The following ELN variants were observed in gnomAD, a reference collection of about 807,000 sequenced individuals.
The protein encoded by ELN is elastin, also known as tropoelastin.
Under a neutral mutation model 105.8 loss-of-function variants are expected in ELN, and 65 were observed. The ratio of observed to expected loss-of-function variants is 0.61; its 90% CI spans 0.50 to 0.75. The LOEUF (loss-of-function observed/expected upper bound fraction) is 0.75, where lower values mean the gene tolerates loss of function less well. ELN is among the 30% of genes least tolerant of loss of function. The pLI is 0.00. For missense variants in ELN, 882 were observed against 969.4 expected (o/e 0.91, Z 1.20); for synonymous variants, 368 against 389.2 (o/e 0.95, Z 0.64).
At position 74,066,635 on chromosome 7, in the gene ELN, G is replaced by C. The variant is rs183097753; in HGVS notation, c.2087-97G>C. On this transcript the variant is annotated intron_variant, in intron 31 of 32. Transcript: ENST00000252034. Reference sequence around the variant, plus strand: ...GGGGGATGGAGAGGAGGTGATCCCAGACAGAGGTCTTGGGTGAGCCAGTGC... The same window carrying C: ...GGGGGATGGAGAGGAGGTGATCCCACACAGAGGTCTTGGGTGAGCCAGTGC... The C allele has an allele frequency of 2.1e-3, 2,407 of 1,155,192 alleles. 28 individuals are homozygous for C. The highest frequency in any genetic ancestry group is 4.6e-4 in the Non-Finnish European group (351 of 764,388). The allele number at this position is 1,155,192 out of a possible 1,614,324, so 71.6% of individuals were successfully genotyped here.
intron 4 of ELN, among the ~76,000 whole-genome samples, chr7:74,038,815 T>G (rs1554667001): frequency 6.6e-6 from 1 of 152,228 alleles, no homozygotes; most frequent in Non-Finnish European, 1.5e-5. Context: ...CAGATTCCCC[T>G]GCGCTAAAAG....
chr7:74,057,641 A>G lies in ELN; in HGVS notation c.1359A>G (p.Gly453=), dbSNP rs1795585741. The G allele has an allele frequency of 6.2e-7, 1 of 1,614,002 alleles. No homozygotes were observed. The highest frequency in any genetic ancestry group is 1.7e-5 in the Admixed American group (1 of 60,024). ...AAAAAKAAKY[G]VGTPAAAAAK... is the part of the protein sequence containing the mutation. ...CACCCCTTCTCTTCACACCTCCAGG[A>G]GTGGGGACCCCAGCAGCTGCAGCTG... The change falls in exon 22 of 33, where the codon GGA becomes GGG. Residue 453 remains glycine, a splice_region_variant and synonymous_variant. Transcript: ENST00000252034.
At chr7:74,067,662 C>T (rs1798244091) in intron 32 of ELN, among the ~76,000 whole-genome samples, 1 of 150,652 alleles carries the variant, frequency 6.6e-6, no homozygotes, top group East Asian at 2.0e-4. Flanking sequence ...GGTGTGAACC[C>T]GGGAGGCGGA....
chr7:74,048,165 G>T lies in ELN; in HGVS notation c.709G>T (p.Gly237Cys). 6.2e-7 allele frequency: 1 copy of T among 1,614,008 alleles called. No homozygotes were observed. Among genetic ancestry groups the T allele is most frequent in the African/African-American group, 1.3e-5 (1 of 74,992 alleles). The part of the protein sequence containing the change: ...PYGYGPGGVA[G>C]AAGKAGYPTG... ...AGGCTATGGGCCCGGAGGAGTGGCTGGTGCAGCGGGCAAGGCTGGTTACCC... is the reference window on the plus strand; with the variant it reads ...AGGCTATGGGCCCGGAGGAGTGGCTTGTGCAGCGGGCAAGGCTGGTTACCC... Residue 237 changes from glycine (G) to cysteine (C), a missense_variant, in exon 14 of 33, where the codon GGT becomes TGT. Coordinates refer to ENST00000252034, the MANE Select transcript of ELN (RefSeq NM_000501.4).
rs1466389457 is a variant in ELN, at chr7:74,069,323, G to A, written c.*623G>A. 2.1e-5 allele frequency: 5 copies of A among 236,554 alleles called. No homozygotes were observed. The highest frequency in any genetic ancestry group is 4.2e-5 in the Non-Finnish European group (5 of 119,732). The allele number at this position is 236,554 out of a possible 1,614,324, so 14.7% of individuals were successfully genotyped here. ...CACTGGGAATAGCCACCTTGCCCTT[G>A]TAGAATCCATCCGCCCATCCGTCCA... On this transcript the variant is annotated 3_prime_UTR_variant, in exon 33 of 33. Transcript: ENST00000252034.
At chr7:74,052,664 CGGAAGGAAGGAAGGAA>C (rs782375003) in intron 17 of ELN, 3 of 115,714 alleles carry the variant, frequency 2.6e-5, no homozygotes, top group African/African-American at 1.2e-4. Flanking sequence ...GAAGGAAAGA[CGGAAGGAAGGAAGGAA>C]GGAAGGAAGG....
chr7:74,061,018 G>A (rs1796527246), intron 25 of ELN, 83 bp from the exon 26 acceptor site: 1 of 1,551,552 alleles, frequency 6.4e-7, no homozygotes, highest in African/African-American at 1.4e-5. Context: ...AGGAAGTCAG[G>A]GAGGGCTCTC....
At chr7:74,057,541 G>T in intron 21 of ELN, 99 bp from the exon 22 acceptor site, 1 of 1,602,386 alleles carries the variant, frequency 6.2e-7, no homozygotes, top group South Asian at 1.1e-5. Context: ...GACCAAGGTC[G>T]ACTGCACCAT....
chr7:74,030,353 G>A (rs903723198), intron 1 of ELN, among the ~76,000 whole-genome samples: 1 of 152,098 alleles, frequency 6.6e-6, no homozygotes, highest in Non-Finnish European at 1.5e-5. Flanking sequence ...TTGCGGGGGT[G>A]GGGGAGCAGG....
chr7:74,049,903 A>T (rs1404982744), intron 15 of ELN, among the ~76,000 whole-genome samples: 1 of 138,378 alleles, frequency 7.2e-6, no homozygotes, highest in Non-Finnish European at 1.5e-5. Flanking sequence ...CCATCCATCC[A>T]TCCATCCATA....
intron 1 of ELN, among the ~76,000 whole-genome samples, chr7:74,028,528 AG>A (rs1787943658): frequency 6.6e-6 from 1 of 152,144 alleles, no homozygotes; most frequent in Non-Finnish European, 1.5e-5. Context: ...GCGAGGGCTG[AG>A]GGGGCCCCTG....
At chr7:74,065,810 C>T in intron 30 of ELN, 78 bp downstream of exon 30, 1 of 1,611,040 alleles carries the variant, frequency 6.2e-7, no homozygotes, top group Non-Finnish European at 8.5e-7. Context: ...CCCAGCCCAG[C>T]TCAGGCCTCC....
chr7:74,059,894 C>T lies in ELN; in HGVS notation c.1423C>T (p.Pro475Ser), dbSNP rs1258999659. 7.6e-7 allele frequency: 1 copy of T among 1,308,314 alleles called. No homozygotes were observed. Among genetic ancestry groups the T allele is most frequent in the Non-Finnish European group, 1.1e-6 (1 of 900,958 alleles). 81.0% of individuals were successfully genotyped at this position (1,308,314 alleles called of 1,614,324 possible). Residue 475 changes from proline to serine, a missense_variant, in exon 23 of 33, where the codon CCT becomes TCT. By Grantham distance (74) the Pro-to-Ser change is moderately conservative. Coordinates refer to ENST00000252034, the MANE Select transcript of ELN (RefSeq NM_000501.4). Reference sequence around the variant, plus strand: ...TCTTCTCAATCTTGCAGGGTTAGTTCCTGGTGTCGGCGTGGCTCCTGGAGT... The same window carrying T: ...TCTTCTCAATCTTGCAGGGTTAGTTTCTGGTGTCGGCGTGGCTCCTGGAGT... ...AAKAAQFGLV[P>S]GVGVAPGVGV...
chr7:74,069,104 T>C lies in ELN; in HGVS notation c.*404T>C. 2.9e-6 allele frequency: 1 copy of C among 348,268 alleles called. No individual in the cohort carries two copies. Among genetic ancestry groups the C allele is most frequent in the South Asian group, 3.9e-5 (1 of 25,534 alleles). 21.6% of individuals were successfully genotyped at this position (348,268 alleles called of 1,614,324 possible). On this transcript the variant is annotated 3_prime_UTR_variant, in exon 33 of 33. Transcript: ENST00000252034. ...CTCCTCTAAAGATGGTGCAGACACT[T>C]CCTGGGCAGTCCCAGCTCCCCCTGC...
In ELN at chr7:74,051,777, G is replaced by A; in HGVS notation, c.827G>A (p.Gly276Asp). 6.2e-7 allele frequency: 1 copy of A among 1,614,232 alleles called. No individual in the cohort carries two copies. Among genetic ancestry groups the A allele is most frequent in the African/African-American group, 1.3e-5 (1 of 75,074 alleles). ...FGAGAAGVLP[G>D]VGGAGVPGVP... The stretch of plus-strand genomic sequence containing the variant: ...GCTGGAGCAGCCGGAGTCCTCCCTG[G>A]TGTTGGAGGGGCTGGTGTTCCTGGC... Residue 276 changes from glycine (G) to aspartate (D), a missense_variant, in exon 16 of 33, where the codon GGT becomes GAT. Gly to Asp is a moderately conservative substitution (Grantham distance 94). Coordinates refer to ENST00000252034, the MANE Select transcript of ELN (RefSeq NM_000501.4).
intron 4 of ELN, among the ~76,000 whole-genome samples, chr7:74,038,412 C>T (rs1167494630): frequency 1.3e-5 from 2 of 152,256 alleles, no homozygotes; most frequent in East Asian, 1.9e-4. Flanking sequence ...ATAAGCTCCC[C>T]TCCTAATCTC....
chr7:74,047,237 G>A (rs1792788042), intron 12 of ELN, among the ~76,000 whole-genome samples: 1 of 152,190 alleles, frequency 6.6e-6, no homozygotes, highest in African/African-American at 2.4e-5. Context: ...GTCATCTGCA[G>A]GTATTGAACT....
intron 2 of ELN, among the ~76,000 whole-genome samples, chr7:74,036,066 G>A (rs773516085): frequency 2.6e-5 from 4 of 152,108 alleles, no homozygotes; most frequent in Admixed American, 6.6e-5. Flanking sequence ...TGAGGCAGGC[G>A]GATCACAAGG....
rs1797261573 is a variant in ELN, at chr7:74,063,768, G to C, written c.1993+73G>C. 1 of 1,604,572 alleles carries C rather than the reference G, an allele frequency of 6.2e-7. No individual in the cohort carries two copies. The highest frequency in any genetic ancestry group is 8.5e-7 in the Non-Finnish European group (1 of 1,171,784). ...AGACAGAGATGGAGACAGAGACAGA[G>C]ACAGAGACTTTCGTTCCCACCCCTG... On this transcript the variant is annotated intron_variant, in intron 29 of 32. Transcript: ENST00000252034. The surrounding 1 kb of genome is among the most constrained non-coding windows in gnomAD (Gnocchi z 4.1).
Sources: allele counts gnomAD v4.1 joint callset (sites outside exome capture counted in the v4.1 genomes callset), GRCh38; gene constraint gnomAD v4.1.1; non-coding constraint Gnocchi (gnomAD v3.1); transcripts MANE v1.5; gene names NCBI Gene and HGNC (gene_info 2026-07-23, HGNC 2026-07-21).